SFXN5: variants seen among roughly 807,000 people sequenced by gnomAD.
SFXN5 encodes the protein sideroflexin-5.
Under a neutral mutation model 50.2 loss-of-function variants are expected in SFXN5, and 43 were observed. The observed-to-expected ratio is 0.86, with a 90% CI of 0.67 to 1.11. SFXN5 has a LOEUF of 1.11. SFXN5 is among the 50% of genes least tolerant of loss of function. The pLI is 0.00. For synonymous variants in SFXN5, 203 were observed against 185.8 expected (o/e 1.09, Z -0.75); for missense variants, 463 against 454.1 (o/e 1.02, Z -0.18).
intron 10 of SFXN5, among the ~76,000 whole-genome samples, chr2:72,975,642 A>G (rs1407626951): frequency 6.6e-6 from 1 of 152,272 alleles, no homozygotes; most frequent in Non-Finnish European, 1.5e-5. Flanking sequence ...AATTGCCTGT[A>G]CATGTGTGAA....
chr2:72,946,997 C>G (rs1672016859), intron 13 of SFXN5, among the ~76,000 whole-genome samples: 1 of 152,164 alleles, frequency 6.6e-6, no homozygotes, highest in African/African-American at 2.4e-5. Flanking sequence ...TCAGAGACAC[C>G]CCGTCCTACT....
At chr2:73,001,451 C>T in intron 7 of SFXN5, 74 bp downstream of exon 7, 2 of 1,519,740 alleles carry the variant, frequency 1.3e-6, no homozygotes, top group Admixed American at 1.7e-5. Flanking sequence ...CAGGAGACAC[C>T]ACAGCAGGGA....
intron 2 of SFXN5, among the ~76,000 whole-genome samples, chr2:73,055,661 G>A (rs913014232): frequency 4.1e-5 from 6 of 147,722 alleles, no homozygotes; most frequent in South Asian, 2.1e-4. Flanking sequence ...ACAGTGGCAC[G>A]ATCTCAGCAC....
intron 9 of SFXN5, among the ~76,000 whole-genome samples, chr2:72,991,500 G>T (rs1672596161): frequency 6.6e-6 from 1 of 152,256 alleles, no homozygotes; most frequent in African/African-American, 2.4e-5. Context: ...CCAGTGATGG[G>T]CCCAGTGGCA....
intron 6 of SFXN5, among the ~76,000 whole-genome samples, chr2:73,009,858 GA>G (rs60499248): frequency 0.26 from 40,203 of 152,006 alleles, 5,677 homozygotes; most frequent in East Asian, 0.5. Context: ...GGTAAGGAGA[GA>G]GTGGAAACGT....
intron 2 of SFXN5, among the ~76,000 whole-genome samples, chr2:73,048,473 T>C (rs1443477872): frequency 6.6e-6 from 1 of 152,180 alleles, no homozygotes; most frequent in Non-Finnish European, 1.5e-5. Flanking sequence ...GCCTCAGCCT[T>C]CCAAAGTATT....
intron 2 of SFXN5, among the ~76,000 whole-genome samples, chr2:73,046,421 A>C (rs1680332988): frequency 6.6e-6 from 1 of 152,030 alleles, no homozygotes. Context: ...AAAAAAAAAA[A>C]AAAGTAATAT....
At chr2:73,016,661 G>A (rs566682614) in intron 6 of SFXN5, among the ~76,000 whole-genome samples, 1 of 152,210 alleles carries the variant, frequency 6.6e-6, no homozygotes, top group South Asian at 2.1e-4. Flanking sequence ...CAGAGATCAT[G>A]CCACTGCGCT....
intron 10 of SFXN5, among the ~76,000 whole-genome samples, chr2:72,976,955 C>T (rs1236002793): frequency 6.6e-6 from 1 of 152,168 alleles, no homozygotes; most frequent in Non-Finnish European, 1.5e-5. Context: ...AGCTATTCTA[C>T]CCCCGCCCGA....
chr2:73,022,250 G>T (rs953912458), intron 5 of SFXN5, among the ~76,000 whole-genome samples: 2 of 152,188 alleles, frequency 1.3e-5, no homozygotes, highest in African/African-American at 4.8e-5. Context: ...GATGTGGAGT[G>T]GGTGGTGGTG....
At position 72,977,550 on chromosome 2, in the gene SFXN5, T is replaced by G. The variant is rs540925623; in HGVS notation, c.626-5865A>C. Among the ~76,000 whole-genome samples the G allele has an allele frequency of 2.7e-3, 413 of 152,296 alleles. 6 individuals carry two copies. The highest frequency in any genetic ancestry group is 9.4e-3 in the African/African-American group (390 of 41,556). On this transcript the variant is annotated intron_variant, in intron 10 of 13. Coordinates refer to ENST00000272433, the MANE Select transcript of SFXN5 (RefSeq NM_144579.3). ...TATAGGTTTTGGAGGCTAAACCTCATTGGTTAAAGGGTTTACAAACAGCTA... is the reference window on the plus strand; with the variant it reads ...TATAGGTTTTGGAGGCTAAACCTCAGTGGTTAAAGGGTTTACAAACAGCTA...
At chr2:73,040,402 A>C (rs1266858053) in intron 3 of SFXN5, among the ~76,000 whole-genome samples, 2 of 152,074 alleles carry the variant, frequency 1.3e-5, no homozygotes, top group Non-Finnish European at 2.9e-5. Context: ...ATCCTCCCCC[A>C]TCCTTCCCAC....
In SFXN5 at chr2:73,047,285, T is replaced by TATATATATATATATATATATACACAC. The variant is rs1268079277; in HGVS notation, c.172-6355_172-6354insGTGTGTATATATATATATATATATAT. ...ATATATATATATATATACACACATA[T>TATATATATATATATATATATACACAC]ATATATATATATAAAATATATATGT... On this transcript the variant is annotated intron_variant, in intron 2 of 13. Coordinates refer to ENST00000272433, the MANE Select transcript of SFXN5 (RefSeq NM_144579.3). Among the ~76,000 whole-genome samples, 33 of 92,498 alleles carry TATATATATATATATATATATACACAC rather than the reference T, an allele frequency of 3.6e-4. 1 individual carries two copies. The highest frequency in any genetic ancestry group is 7.0e-4 in the South Asian group (2 of 2,848). 60.7% of individuals were successfully genotyped at this position (92,498 alleles called of 152,430 possible). A position where few individuals can be genotyped will look rare whatever the true frequency, so the allele number is the denominator to read the frequency against.
rs911992186 is a variant in SFXN5 at position 72,945,345 on chromosome 2, G to A, written c.946-246C>T. Among the ~76,000 whole-genome samples the A allele has an allele frequency of 1.3e-5, 2 of 152,016 alleles. No individual in the cohort carries two copies. The highest frequency in any genetic ancestry group is 6.5e-5 in the Admixed American group (1 of 15,268). On this transcript the variant is annotated intron_variant, in intron 13 of 13. Transcript: ENST00000272433. This position sits in a 1 kb window ranked among gnomAD's most constrained non-coding sequence, Gnocchi z 5.8. The stretch of plus-strand genomic sequence containing the variant: ...CTCTTTCTTCTGATGGTGTGTCCAC[G>A]TGGGTGGACATCCTACACACTGGCC...
intron 6 of SFXN5, among the ~76,000 whole-genome samples, chr2:73,018,532 G>T (rs1676448211): frequency 6.6e-6 from 1 of 152,172 alleles, no homozygotes; most frequent in South Asian, 2.1e-4. Flanking sequence ...GAAAGAGGCA[G>T]AAGGGAAACT....
chr2:73,047,298 A>ATG (rs1394689911), intron 2 of SFXN5, among the ~76,000 whole-genome samples: 1 of 99,646 alleles, frequency 1.0e-5, no homozygotes, highest in African/African-American at 4.3e-5. Flanking sequence ...ATATATATAT[A>ATG]AAATATATAT....
At chr2:73,042,161 G>C (rs1199163258) in intron 2 of SFXN5, among the ~76,000 whole-genome samples, 1 of 152,170 alleles carries the variant, frequency 6.6e-6, no homozygotes, top group East Asian at 1.9e-4. Flanking sequence ...TAAAGAGACA[G>C]CAACAGTAAC....
intron 1 of SFXN5, among the ~76,000 whole-genome samples, chr2:73,067,963 G>A (rs1683295285): frequency 6.6e-6 from 1 of 152,148 alleles, no homozygotes; most frequent in African/African-American, 2.4e-5. Context: ...AATTCAGTAA[G>A]TCAATACACA....
intron 6 of SFXN5, among the ~76,000 whole-genome samples, chr2:73,014,063 A>T (rs181144535): frequency 6.6e-6 from 1 of 152,254 alleles, no homozygotes; most frequent in East Asian, 1.9e-4. Flanking sequence ...ATTTATCCAT[A>T]TTCATAAATG....
Sources: gnomAD v4.1 joint callset for allele counts (sites outside exome capture counted in the v4.1 genomes callset) on GRCh38, gnomAD v4.1.1 for gene constraint, Gnocchi (gnomAD v3.1) non-coding constraint, MANE v1.5 for transcripts, NCBI Gene and HGNC (gene_info 2026-07-23, HGNC 2026-07-21) for gene names.